GBX1: variants seen among roughly 807,000 people sequenced by gnomAD.
GBX1 encodes gastrulation brain homeobox 1.
A neutral mutation model predicts 22.9 loss-of-function variants in GBX1; 9 were observed. The ratio of observed to expected loss-of-function variants is 0.39; its 90% CI spans 0.24 to 0.69. The LOEUF (loss-of-function observed/expected upper bound fraction) is 0.69, where lower values mean the gene tolerates loss of function less well. Ranked by LOEUF, GBX1 falls within the 30% of genes least tolerant of loss-of-function variation. The pLI is 0.43. For synonymous variants in GBX1, 203 were observed against 227.3 expected (o/e 0.89, Z 0.96); for missense variants, 494 against 509.2 (o/e 0.97, Z 0.29).
intron 1 of GBX1, among the ~76,000 whole-genome samples, chr7:151,154,229 A>G (rs959695747): frequency 7.2e-5 from 11 of 152,198 alleles, no homozygotes; most frequent in Non-Finnish European, 1.5e-5. Context: ...TAAATTTCCA[A>G]TTGCAGACAG....
Position 151,167,428 on chromosome 7 carries a change from A to G in GBX1, c.121T>C (p.Leu41=). 1 of 1,514,014 alleles carries G rather than the reference A, an allele frequency of 6.6e-7. No homozygotes were observed. Among genetic ancestry groups the G allele is most frequent in the African/African-American group, 1.5e-5 (1 of 68,194 alleles). The allele number at this position is 1,514,014 out of a possible 1,614,324, so 93.8% of individuals were successfully genotyped here. A position where few individuals can be genotyped will look rare whatever the true frequency, so the allele number is the denominator to read the frequency against. ...AACATGGGGTAGCCGGTGTACAGCA[A>G]GTGGCCGGAGCGCGGCGGCGGCGGC... ...IGPPPPRSGH[L]LYTGYPMFMP... The change falls in exon 1 of 2, where the codon TTG becomes CTG. Residue 41 remains leucine, a synonymous_variant. Coordinates refer to ENST00000297537, the MANE Select transcript of GBX1 (RefSeq NM_001098834.3). This position sits in a 1 kb window ranked among gnomAD's most constrained non-coding sequence, Gnocchi z 5.9.
chr7:151,166,910 C>T (rs1584806848), intron 1 of GBX1, 101 bp downstream of exon 1: 1 of 1,201,838 alleles, frequency 8.3e-7, no homozygotes, highest in East Asian at 2.4e-5. Flanking sequence ...GACTTCAAGG[C>T]TCCAGGCAGG....
chr7:151,163,127 C>G (rs977937109), intron 1 of GBX1, among the ~76,000 whole-genome samples: 1 of 152,036 alleles, frequency 6.6e-6, no homozygotes, highest in African/African-American at 2.4e-5. Context: ...TCCACATTCA[C>G]GGCTCTTTTC....
rs1201011701 is a variant in GBX1, at chr7:151,167,572, C to A, written c.-24G>T. 5 of 1,400,172 alleles carry A rather than the reference C, an allele frequency of 3.6e-6. No homozygotes were observed. Among genetic ancestry groups the A allele is most frequent in the Non-Finnish European group, 3.7e-6 (4 of 1,088,618 alleles). 86.7% of individuals were successfully genotyped at this position (1,400,172 alleles called of 1,614,324 possible). A position where few individuals can be genotyped will look rare whatever the true frequency, so the allele number is the denominator to read the frequency against. On this transcript the variant is annotated 5_prime_UTR_variant, in exon 1 of 2. Transcript: ENST00000297537. This position sits in a 1 kb window ranked among gnomAD's most constrained non-coding sequence, Gnocchi z 5.9. The stretch of plus-strand genomic sequence containing the variant: ...ATCTTGTTCGGAGCTGCGGCCGCCC[C>A]GGGGCGCTCCTCTCTGGGCGCCTCC...
intron 1 of GBX1, among the ~76,000 whole-genome samples, chr7:151,151,276 C>A (rs1801076792): frequency 6.6e-6 from 1 of 152,122 alleles, no homozygotes; most frequent in Non-Finnish European, 1.5e-5. Context: ...TACTAGTTTG[C>A]TCAGGCTTCA....
chr7:151,165,587 G>C (rs1801239995), intron 1 of GBX1, among the ~76,000 whole-genome samples: 1 of 152,092 alleles, frequency 6.6e-6, no homozygotes, highest in African/African-American at 2.4e-5. Context: ...TTTATCTTGT[G>C]GACATTTTCT....
rs80273915 is a variant in GBX1, at chr7:151,159,383, G to A, written c.538+7628C>T. On this transcript the variant is annotated intron_variant, in intron 1 of 1. Transcript: ENST00000297537. ...GCACCCAGGCAGAGACTGAATTTTT[G>A]TTGTTGTTTTTTGAGACAAGGTCTT... Among the ~76,000 whole-genome samples the A allele has an allele frequency of 1.4e-3, 220 of 152,128 alleles. 3 individuals are homozygous for A. The East Asian group carries it at 0.038, about 27-fold the overall frequency.
chr7:151,165,099 T>C (rs1801234955), intron 1 of GBX1, among the ~76,000 whole-genome samples: 1 of 152,180 alleles, frequency 6.6e-6, no homozygotes, highest in African/African-American at 2.4e-5. Flanking sequence ...AACCCTCTCC[T>C]TCTTCATGTT....
chr7:151,160,057 C>G (rs562166453), intron 1 of GBX1, among the ~76,000 whole-genome samples: 1 of 152,246 alleles, frequency 6.6e-6, no homozygotes, highest in East Asian at 1.9e-4. Context: ...TTTCCCCAGG[C>G]CCTTCGCTCA....
chr7:151,156,103 G>C (rs903804973), intron 1 of GBX1, among the ~76,000 whole-genome samples: 1 of 152,020 alleles, frequency 6.6e-6, no homozygotes, highest in Non-Finnish European at 1.5e-5. Flanking sequence ...ACCCCTTTTA[G>C]TCAGACTCAG....
At chr7:151,153,384 C>T (rs993598039) in intron 1 of GBX1, among the ~76,000 whole-genome samples, 2 of 152,110 alleles carry the variant, frequency 1.3e-5, no homozygotes, top group Non-Finnish European at 2.9e-5. Flanking sequence ...AACAGTAGTG[C>T]AATCCTTTAC....
At chr7:151,162,344 T>C (rs903177053) in intron 1 of GBX1, among the ~76,000 whole-genome samples, 11 of 152,202 alleles carry the variant, frequency 7.2e-5, no homozygotes, top group African/African-American at 2.7e-4. Context: ...TGGATACCTA[T>C]TCAGAAATTA....
intron 1 of GBX1, among the ~76,000 whole-genome samples, chr7:151,165,536 A>G (rs1801239407): frequency 6.6e-6 from 1 of 151,990 alleles, no homozygotes; most frequent in African/African-American, 2.4e-5. Flanking sequence ...TTTTTTTCTT[A>G]AGATCATCCT....
At chr7:151,150,448 T>C (rs1801064350) in intron 1 of GBX1, among the ~76,000 whole-genome samples, 1 of 152,228 alleles carries the variant, frequency 6.6e-6, no homozygotes, top group African/African-American at 2.4e-5. Flanking sequence ...TGCATCTCCC[T>C]GTATCGGCCA....
intron 1 of GBX1, 51 bp from the exon 2 acceptor site, chr7:151,149,193 G>T (rs1801049634): frequency 1.3e-6 from 2 of 1,527,664 alleles, no homozygotes; most frequent in East Asian, 2.3e-5. Context: ...AAGAAAAAGA[G>T]AGTTTGGAGG....
chr7:151,148,903 T>G lies in GBX1; in HGVS notation c.778A>C (p.Lys260Gln), dbSNP rs1801045325. 6.2e-7 allele frequency: 1 copy of G among 1,613,892 alleles called. No individual in the cohort carries two copies. The highest frequency in any genetic ancestry group is 8.5e-7 in the Non-Finnish European group (1 of 1,180,022). Reference protein sequence around the residue: ...VTAGVTAPGGKSRRRRTAFTS... With the variant: ...VTAGVTAPGGQSRRRRTAFTS... ...AATGCTGTGCGGCGCCGTCGGCTTT[T>G]CCCCCCAGGAGCTGTGACCCCTGCT... The change falls in exon 2 of 2, where the codon AAA becomes CAA. Residue 260 changes from lysine to glutamine, a missense_variant. Physicochemically the swap from Lys to Gln is moderately conservative, Grantham distance 53. Coordinates refer to ENST00000297537, the MANE Select transcript of GBX1 (RefSeq NM_001098834.3). This position sits in a 1 kb window ranked among gnomAD's most constrained non-coding sequence, Gnocchi z 5.1.
chr7:151,149,236 T>C, intron 1 of GBX1, 94 bp from the exon 2 acceptor site: 5 of 1,239,434 alleles, frequency 4.0e-6, no homozygotes, highest in Non-Finnish European at 5.6e-6. Flanking sequence ...AAATGGGGGG[T>C]TGGGAGACAA....
At position 151,167,503 on chromosome 7, in the gene GBX1, C is replaced by CG; in HGVS notation, c.45_46insC (p.Gly16ArgfsTer136). ...GCAGTGCCCGGGCCCCCGCCGCCGCCCCCGCCGTTGCCCCCAGGGGCGCTA... is the reference window on the plus strand; with the variant it reads ...GCAGTGCCCGGGCCCCCGCCGCCGCCGCCCGCCGTTGCCCCCAGGGGCGCTA... On this transcript the variant is annotated frameshift_variant, in exon 1 of 2. Coordinates refer to ENST00000297537, the MANE Select transcript of GBX1 (RefSeq NM_001098834.3). LOFTEE classifies it high-confidence loss of function. The surrounding 1 kb of genome is among the most constrained non-coding windows in gnomAD (Gnocchi z 5.9). 1.3e-6 allele frequency: 2 copies of CG among 1,483,940 alleles called. No homozygotes were observed. The highest frequency in any genetic ancestry group is 1.8e-6 in the Non-Finnish European group (2 of 1,126,580). The allele number at this position is 1,483,940 out of a possible 1,614,324, so 91.9% of individuals were successfully genotyped here. A position where few individuals can be genotyped will look rare whatever the true frequency, so the allele number is the denominator to read the frequency against.
intron 1 of GBX1, among the ~76,000 whole-genome samples, chr7:151,151,367 C>T (rs1457188723): frequency 1.3e-5 from 2 of 152,200 alleles, no homozygotes; most frequent in Admixed American, 1.3e-4. Flanking sequence ...TGTCTCCCAT[C>T]AGCCTGTTCT....
Sources: allele counts gnomAD v4.1 joint callset (sites outside exome capture counted in the v4.1 genomes callset), GRCh38; gene constraint gnomAD v4.1.1; non-coding constraint Gnocchi (gnomAD v3.1); transcripts MANE v1.5; gene names NCBI Gene and HGNC (gene_info 2026-07-23, HGNC 2026-07-21).